The following DOK6 variants were observed in gnomAD, a reference collection of about 807,000 sequenced individuals.
DOK6 encodes docking protein 6.
Under a neutral mutation model 44.0 loss-of-function variants are expected in DOK6, and 22 were observed. The ratio of observed to expected loss-of-function variants is 0.50; its 90% CI spans 0.36 to 0.71. The LOEUF is 0.71. Ranked by LOEUF, DOK6 falls within the 30% of genes least tolerant of loss-of-function variation. The probability of loss-of-function intolerance (pLI) is 0.00; values close to 1 mark genes in which losing one functional copy is unlikely to be tolerated. For missense variants in DOK6, 340 were observed against 416.4 expected (o/e 0.82, Z 1.60); for synonymous variants, 166 against 145.5 (o/e 1.14, Z -1.01).
chr18:69,675,779 G>C (rs1210852592), intron 3 of DOK6, among the ~76,000 whole-genome samples: 1 of 152,086 alleles, frequency 6.6e-6, no homozygotes, highest in Admixed American at 6.6e-5. Context: ...TATTTTGGTT[G>C]ACTGTTAGAA....
At chr18:69,644,034 G>A (rs1282231111) in intron 3 of DOK6, among the ~76,000 whole-genome samples, 1 of 151,990 alleles carries the variant, frequency 6.6e-6, no homozygotes, top group Non-Finnish European at 1.5e-5. Flanking sequence ...GTGCTTATTT[G>A]CCATCCATAT....
chr18:69,777,525 A>G (rs566523886), intron 7 of DOK6, among the ~76,000 whole-genome samples: 1 of 152,148 alleles, frequency 6.6e-6, no homozygotes, highest in East Asian at 1.9e-4. Context: ...AGGCCTGCAA[A>G]ATGACAGCCA....
At chr18:69,735,622 G>A (rs73970248) in intron 5 of DOK6, among the ~76,000 whole-genome samples, 2,716 of 152,258 alleles carry the variant, frequency 0.018, 70 homozygotes, top group African/African-American at 0.061. Flanking sequence ...GTTTTTATTG[G>A]GGGTCAGTCA....
intron 7 of DOK6, chr18:69,832,501 T>C (rs1168388070): frequency 2.0e-5 from 3 of 152,252 alleles, no homozygotes; most frequent in East Asian, 3.9e-4. Flanking sequence ...TTTTTTTCTA[T>C]ATTTTTCTGG....
rs1328106792 is a variant in DOK6 at position 69,798,041 on chromosome 18, T to C, written c.856+40168T>C. 3.3e-5 allele frequency among the ~76,000 whole-genome samples: 5 copies of C among 152,070 alleles called. No homozygotes were observed. The East Asian group carries it at 7.7e-4, about 23-fold the overall frequency. ...CAGGAATATAGAGAGGAGAAAGGAATATAGGCAGCAAAAGTGTGCAACAGC... is the reference window on the plus strand; with the variant it reads ...CAGGAATATAGAGAGGAGAAAGGAACATAGGCAGCAAAAGTGTGCAACAGC... On this transcript the variant is annotated intron_variant, in intron 7 of 7. Transcript: ENST00000382713.
intron 3 of DOK6, among the ~76,000 whole-genome samples, chr18:69,626,101 CT>C (rs1481071021): frequency 5.9e-5 from 9 of 152,180 alleles, no homozygotes; most frequent in African/African-American, 2.2e-4. Context: ...TTAACACTGC[CT>C]GTAATTTAAA....
chr18:69,523,794 A>G (rs1981753045), intron 1 of DOK6, among the ~76,000 whole-genome samples: 2 of 151,850 alleles, frequency 1.3e-5, no homozygotes, highest in Admixed American at 6.6e-5. Flanking sequence ...AGCACCAATA[A>G]TGTGTGTCAT....
intron 7 of DOK6, among the ~76,000 whole-genome samples, chr18:69,779,847 C>T (rs1219343858): frequency 1.3e-5 from 2 of 151,698 alleles, no homozygotes; most frequent in African/African-American, 4.8e-5. Flanking sequence ...CCTCTGATGC[C>T]CTTCAAACCT....
rs1982238229 is a variant in DOK6, at chr18:69,841,989, T to C, written c.*606T>C. ...GTGTGTGTGTGTGTGTGTAGACAAA[T>C]GGATATTGCTATATCCATCTATATA... is the stretch of plus-strand genomic sequence containing the variant. On this transcript the variant is annotated 3_prime_UTR_variant, in exon 8 of 8. Coordinates refer to ENST00000382713, the MANE Select transcript of DOK6 (RefSeq NM_152721.6). 1 of 152,376 alleles carries C rather than the reference T, an allele frequency of 6.6e-6. No individual in the cohort carries two copies. Among genetic ancestry groups the C allele is most frequent in the Admixed American group, 6.5e-5 (1 of 15,320 alleles). The allele number at this position is 152,376 out of a possible 1,614,324, so 9.4% of individuals were successfully genotyped here.
At chr18:69,764,473 TAGTG>T (rs889113408) in intron 7 of DOK6, among the ~76,000 whole-genome samples, 5 of 152,296 alleles carry the variant, frequency 3.3e-5, no homozygotes, top group Admixed American at 1.3e-4. Context: ...CTCCTTGTGA[TAGTG>T]AGTGAGTTCT....
intron 3 of DOK6, among the ~76,000 whole-genome samples, chr18:69,613,927 T>A (rs951464504): frequency 3.4e-5 from 5 of 148,466 alleles, no homozygotes; most frequent in African/African-American, 1.3e-4. Context: ...CAGATCTCAA[T>A]ATATTTATAT....
At chr18:69,582,921 C>T (rs1379720526) in intron 2 of DOK6, among the ~76,000 whole-genome samples, 1 of 152,094 alleles carries the variant, frequency 6.6e-6, no homozygotes, top group African/African-American at 2.4e-5. Flanking sequence ...CTTGATATTC[C>T]ATGGTTTACC....
intron 3 of DOK6, among the ~76,000 whole-genome samples, chr18:69,612,449 G>A (rs1984174656): frequency 6.7e-6 from 1 of 150,158 alleles, no homozygotes; most frequent in Non-Finnish European, 1.5e-5. Flanking sequence ...GAGGGCGCAT[G>A]TGTGCGAGCG....
chr18:69,455,506 C>T (rs1306118664), intron 1 of DOK6, among the ~76,000 whole-genome samples: 1 of 152,186 alleles, frequency 6.6e-6, no homozygotes, highest in East Asian at 1.9e-4. Context: ...ATAATTCATT[C>T]TATAAAATAC....
intron 6 of DOK6, among the ~76,000 whole-genome samples, chr18:69,746,100 A>C (rs1978975979): frequency 6.6e-6 from 1 of 151,880 alleles, no homozygotes; most frequent in Admixed American, 6.5e-5. Context: ...ACAGAAATAG[A>C]GATAATAGAG....
chr18:69,532,176 G>A (rs1203900854), intron 1 of DOK6, among the ~76,000 whole-genome samples: 1 of 152,184 alleles, frequency 6.6e-6, no homozygotes, highest in Non-Finnish European at 1.5e-5. Context: ...AAGCCACACA[G>A]TCTATGGTGT....
intron 7 of DOK6, among the ~76,000 whole-genome samples, chr18:69,826,552 C>T (rs998372801): frequency 1.2e-4 from 18 of 152,096 alleles, no homozygotes; most frequent in Admixed American, 1.0e-3. Flanking sequence ...AAAGTGTTCT[C>T]CTAAAACATG....
chr18:69,669,908 T>C (rs1342043482), intron 3 of DOK6, among the ~76,000 whole-genome samples: 1 of 152,218 alleles, frequency 6.6e-6, no homozygotes, highest in African/African-American at 2.4e-5. Flanking sequence ...AGGAATAAAA[T>C]ATTTGGCCTT....
At chr18:69,607,203 T>C (rs1171004104) in intron 3 of DOK6, among the ~76,000 whole-genome samples, 1 of 152,206 alleles carries the variant, frequency 6.6e-6, no homozygotes, top group Non-Finnish European at 1.5e-5. Flanking sequence ...CCAACCCCCT[T>C]ACCCCCAGGG....
Sources: gnomAD v4.1 joint callset for allele counts (sites outside exome capture counted in the v4.1 genomes callset) on GRCh38, gnomAD v4.1.1 for gene constraint, MANE v1.5 for transcripts, NCBI Gene and HGNC (gene_info 2026-07-23, HGNC 2026-07-21) for gene names.